Variants in MACROD2 observed in about 807,000 individuals in gnomAD.
MACROD2 encodes ADP-ribose glycohydrolase MACROD2.
In MACROD2, 36 loss-of-function variants were observed where a neutral mutation model predicts 70.4. The ratio of observed to expected loss-of-function variants is 0.51; its 90% confidence interval spans 0.39 to 0.68. MACROD2 has a LOEUF of 0.68. Ranked by LOEUF, MACROD2 falls within the 30% of genes least tolerant of loss-of-function variation. The pLI is 0.00. For synonymous variants in MACROD2, 172 were observed against 178.8 expected (o/e 0.96, Z 0.30); for missense variants, 496 against 538.4 (o/e 0.92, Z 0.78).
At chr20:15,170,682 T>C (rs1442450862) in intron 5 of MACROD2, among the ~76,000 whole-genome samples, 1 of 152,138 alleles carries the variant, frequency 6.6e-6, no homozygotes, top group African/African-American at 2.4e-5. Flanking sequence ...CCAGAGCCAT[T>C]TAAGTTGGGG....
At chr20:15,208,378 A>G (rs1970764093) in intron 5 of MACROD2, among the ~76,000 whole-genome samples, 1 of 152,136 alleles carries the variant, frequency 6.6e-6, no homozygotes, top group East Asian at 1.9e-4. Context: ...TGGTTCCTTT[A>G]AAATCTTAGT....
Position 15,463,418 on chromosome 20 carries a change from C to G in MACROD2, c.571+31983C>G, listed in dbSNP as rs901545128. On this transcript the variant is annotated intron_variant, in intron 7 of 17. Coordinates refer to ENST00000684519, the MANE Select transcript of MACROD2 (RefSeq NM_001351661.2). Reference sequence around the variant, plus strand: ...GGATAATGGAGATGACCACTAATATCTAGATATAACAAAGGATTAATCTAA... The same window carrying G: ...GGATAATGGAGATGACCACTAATATGTAGATATAACAAAGGATTAATCTAA... 2.6e-5 allele frequency among the ~76,000 whole-genome samples: 4 copies of G among 152,288 alleles called. No individual in the cohort carries two copies. The East Asian group carries it at 7.7e-4, about 29-fold the overall frequency.
Position 15,461,006 on chromosome 20 carries a change from A to ATATATATATATATATTTTT in MACROD2, c.571+29572_571+29573insATATATATATATATTTTTT. ...TATATATATATATATATATATATAT[A>ATATATATATATATATTTTT]TTTTTTTTTAATAGATGGGGTCTTG... On this transcript the variant is annotated intron_variant, in intron 7 of 17. Transcript: ENST00000684519. 3.2e-3 allele frequency among the ~76,000 whole-genome samples: 217 copies of ATATATATATATATATTTTT among 66,858 alleles called. 3 individuals carry two copies. Among genetic ancestry groups the ATATATATATATATATTTTT allele is most frequent in the Non-Finnish European group, 5.8e-3 (176 of 30,352 alleles). 43.9% of individuals were successfully genotyped at this position (66,858 alleles called of 152,430 possible). A position where few individuals can be genotyped will look rare whatever the true frequency, so the allele number is the denominator to read the frequency against.
intron 8 of MACROD2, among the ~76,000 whole-genome samples, chr20:15,508,684 T>A (rs949612019): frequency 5.9e-5 from 9 of 152,210 alleles, no homozygotes; most frequent in African/African-American, 1.7e-4. Flanking sequence ...TAGCCATACA[T>A]GAGAATAAAA....
intron 3 of MACROD2, among the ~76,000 whole-genome samples, chr20:14,143,519 A>G (rs2054903797): frequency 6.6e-6 from 1 of 151,976 alleles, no homozygotes; most frequent in Non-Finnish European, 1.5e-5. Context: ...AAATCTTCTG[A>G]TATGTGTGGA....
At chr20:14,629,041 C>A (rs1468936554) in intron 4 of MACROD2, 1 of 152,150 alleles carries the variant, frequency 6.6e-6, no homozygotes, top group Non-Finnish European at 1.5e-5. Context: ...AAAAAGCCTT[C>A]CTAATATGCC....
intron 4 of MACROD2, among the ~76,000 whole-genome samples, chr20:14,653,913 C>T (rs1208480799): frequency 1.3e-5 from 2 of 152,150 alleles, no homozygotes; most frequent in Admixed American, 1.3e-4. Context: ...GATGTCCAGT[C>T]GCCCATAGAA....
At chr20:14,596,412 C>CATATATATAT (rs5840627) in intron 4 of MACROD2, among the ~76,000 whole-genome samples, 3,038 of 142,928 alleles carry the variant, frequency 0.021, 96 homozygotes, top group African/African-American at 0.071. Flanking sequence ...ATTTTTTAAA[C>CATATATATAT]ATATATATAT....
intron 6 of MACROD2, among the ~76,000 whole-genome samples, chr20:15,364,204 A>T (rs1490412214): frequency 1.3e-5 from 2 of 152,188 alleles, no homozygotes; most frequent in African/African-American, 4.8e-5. Context: ...TATTCTTTAA[A>T]GATTTTCCGC....
intron 5 of MACROD2, among the ~76,000 whole-genome samples, chr20:14,819,961 C>T (rs2072822097): frequency 6.6e-6 from 1 of 151,992 alleles, no homozygotes; most frequent in Admixed American, 6.6e-5. Context: ...ATTCCTCTGG[C>T]TCTGGTGTGT....
intron 8 of MACROD2, among the ~76,000 whole-genome samples, chr20:15,752,361 T>A (rs2146983271): frequency 6.6e-6 from 1 of 152,198 alleles, no homozygotes; most frequent in African/African-American, 2.4e-5. Context: ...GTCTATAGTG[T>A]TATTCCCATA....
chr20:14,011,249 G>A (rs918265904), intron 2 of MACROD2, among the ~76,000 whole-genome samples: 6 of 152,084 alleles, frequency 3.9e-5, no homozygotes, highest in African/African-American at 1.4e-4. Context: ...GGAGCACAGC[G>A]TCTCATTATC....
At chr20:15,569,648 T>C (rs115563712) in intron 8 of MACROD2, among the ~76,000 whole-genome samples, 171 of 152,270 alleles carry the variant, frequency 1.1e-3, no homozygotes, top group African/African-American at 3.9e-3. Flanking sequence ...GCAGCATTTG[T>C]TTTTTCTGTG....
At chr20:14,230,674 T>C (rs937612043) in intron 3 of MACROD2, among the ~76,000 whole-genome samples, 3,779 of 28,782 alleles carry the variant, frequency 0.13, 444 homozygotes, top group Non-Finnish European at 0.15. Context: ...TGGGCCTATA[T>C]ATATATATAT....
chr20:15,150,840 T>C (rs1006019546), intron 5 of MACROD2, among the ~76,000 whole-genome samples: 3 of 151,438 alleles, frequency 2.0e-5, no homozygotes, highest in South Asian at 2.1e-4. Context: ...TAAAAAGGAG[T>C]GCTTAAAAGA....
At chr20:14,277,219 G>C (rs770907947) in intron 3 of MACROD2, among the ~76,000 whole-genome samples, 2 of 152,202 alleles carry the variant, frequency 1.3e-5, no homozygotes, top group Admixed American at 6.5e-5. Flanking sequence ...GGAGGCTGAG[G>C]GGGGCGGATC....
intron 6 of MACROD2, among the ~76,000 whole-genome samples, chr20:15,262,845 T>G (rs1358221489): frequency 6.6e-6 from 1 of 152,120 alleles, no homozygotes; most frequent in Non-Finnish European, 1.5e-5. Flanking sequence ...TTTGTATGTC[T>G]TCTTTTGAGA....
At chr20:16,012,491 A>G (rs913051637) in intron 15 of MACROD2, among the ~76,000 whole-genome samples, 4 of 152,172 alleles carry the variant, frequency 2.6e-5, no homozygotes, top group South Asian at 2.1e-4. Flanking sequence ...AGTGACTCCA[A>G]TGTGTAGCCA....
intron 5 of MACROD2, among the ~76,000 whole-genome samples, chr20:14,956,993 A>G (rs545045156): frequency 2.0e-5 from 3 of 152,194 alleles, no homozygotes; most frequent in Admixed American, 2.0e-4. Flanking sequence ...CTCTAAGCTA[A>G]TTACAGTGTT....
Sources: gnomAD v4.1 joint callset for allele counts (sites outside exome capture counted in the v4.1 genomes callset) on GRCh38, gnomAD v4.1.1 for gene constraint, MANE v1.5 for transcripts, NCBI Gene and HGNC (gene_info 2026-07-23, HGNC 2026-07-21) for gene names.